The following SPTBN4 variants were observed in gnomAD, a reference collection of about 807,000 sequenced individuals.
SPTBN4 encodes the protein spectrin beta chain, non-erythrocytic 4.
In SPTBN4, 96 loss-of-function variants were observed where a neutral mutation model predicts 277.8. That is an observed-to-expected ratio of 0.35 (90% CI 0.29 to 0.41). The LOEUF (loss-of-function observed/expected upper bound fraction) is 0.41. SPTBN4 is among the 10% of genes least tolerant of loss of function. The probability of loss-of-function intolerance (pLI) is 1.00; values close to 1 mark genes in which losing one functional copy is unlikely to be tolerated. For missense variants in SPTBN4, 3,006 were observed against 3,595.7 expected (o/e 0.84, Z 4.19); for synonymous variants, 1,481 against 1,580.3 (o/e 0.94, Z 1.49).
chr19:40,519,931 A>G lies in SPTBN4; in HGVS notation c.3434A>G (p.Asp1145Gly). 1.3e-6 allele frequency: 2 copies of G among 1,557,872 alleles called. No individual in the cohort carries two copies. The highest frequency in any genetic ancestry group is 1.7e-6 in the Non-Finnish European group (2 of 1,159,308). Residue 1145 changes from aspartate to glycine, a missense_variant, in exon 16 of 36, where the codon GAC (aspartate) becomes GGC (glycine). By Grantham distance (94) the Asp-to-Gly change is moderately conservative (BLOSUM62 -1). Around this residue, in one of 5 missense-constraint regions of SPTBN4, gnomAD observed 1,759 missense variants for 2,061.5 expected, o/e 0.85. Coordinates refer to ENST00000598249, the MANE Select transcript of SPTBN4 (RefSeq NM_020971.3). This position sits in a 1 kb window ranked among gnomAD's most constrained non-coding sequence, Gnocchi z 5.7. ...LKEEVDQREE[D>G]YARIVAASEA... ...GAGGAGGTGGACCAGCGCGAGGAAG[A>G]CTATGCTCGCATCGTGGCGGCCAGC...
chr19:40,560,730 G>A lies in SPTBN4; in HGVS notation c.5915+327G>A, dbSNP rs561952281. 17 of 1,359,006 alleles carry A rather than the reference G, an allele frequency of 1.3e-5. No individual in the cohort carries two copies. The East Asian group carries it at 4.6e-4, about 37-fold the overall frequency. 84.2% of individuals were successfully genotyped at this position (1,359,006 alleles called of 1,614,324 possible). ...GTGTGGGACTGTATTTGTGAGGGTG[G>A]GTGAAGAATTCTAACAATTCCAGCA... On this transcript the variant is annotated intron_variant, in intron 27 of 35. Transcript: ENST00000598249. The surrounding 1 kb of genome is among the most constrained non-coding windows in gnomAD (Gnocchi z 5.2).
chr19:40,525,971 G>T (rs566971193), intron 17 of SPTBN4, among the ~76,000 whole-genome samples: 1 of 152,124 alleles, frequency 6.6e-6, no homozygotes, highest in South Asian at 2.1e-4. Context: ...CCCACCCTGT[G>T]GGAGGAGTGG....
intron 2 of SPTBN4, among the ~76,000 whole-genome samples, chr19:40,485,576 T>C (rs1444555461): frequency 6.6e-6 from 1 of 151,974 alleles, no homozygotes; most frequent in Admixed American, 6.6e-5. Context: ...GAAGCGTACG[T>C]GGGAGGATTG....
intron 14 of SPTBN4, 129 bp downstream of exon 14, chr19:40,513,683 A>G: frequency 9.7e-7 from 1 of 1,032,956 alleles, no homozygotes; most frequent in African/African-American, 1.6e-5. Context: ...ACCCATAGCC[A>G]GCTTTGTGAC....
chr19:40,546,400 CTGA>C (rs1463087555), intron 20 of SPTBN4, among the ~76,000 whole-genome samples: 2 of 151,288 alleles, frequency 1.3e-5, no homozygotes, highest in African/African-American at 4.8e-5. Flanking sequence ...TTTTTTTTTG[CTGA>C]TGTCATTCAT....
At chr19:40,484,846 G>C (rs1233191378) in intron 2 of SPTBN4, among the ~76,000 whole-genome samples, 1 of 152,054 alleles carries the variant, frequency 6.6e-6, no homozygotes, top group East Asian at 1.9e-4. Flanking sequence ...GCAGAAGAAT[G>C]GCGTGAACCC....
intron 35 of SPTBN4, among the ~76,000 whole-genome samples, chr19:40,573,837 C>T (rs369761495): frequency 1.3e-5 from 2 of 149,078 alleles, no homozygotes; most frequent in African/African-American, 5.0e-5. Flanking sequence ...CATGGTGGCT[C>T]ACGCCTGTAA....
intron 27 of SPTBN4, among the ~76,000 whole-genome samples, chr19:40,561,197 G>A (rs2081039113): frequency 6.6e-6 from 1 of 152,116 alleles, no homozygotes; most frequent in Non-Finnish European, 1.5e-5. Flanking sequence ...ATTTTTAGTA[G>A]AGAAAGGGTT....
intron 20 of SPTBN4, among the ~76,000 whole-genome samples, chr19:40,538,722 G>C (rs575897759): frequency 3.4e-4 from 51 of 152,204 alleles, no homozygotes; most frequent in African/African-American, 1.2e-3. Context: ...TGAGTAGCTG[G>C]GACTACAAGC....
chr19:40,554,655 G>A lies in SPTBN4; in HGVS notation c.5084+9G>A. The A allele has an allele frequency of 1.9e-6, 3 of 1,589,908 alleles. No homozygotes were observed. The highest frequency in any genetic ancestry group is 2.6e-6 in the Non-Finnish European group (3 of 1,168,498). On this transcript the variant is annotated intron_variant, in intron 24 of 35. Coordinates refer to ENST00000598249, the MANE Select transcript of SPTBN4 (RefSeq NM_020971.3). This position sits in a 1 kb window ranked among gnomAD's most constrained non-coding sequence, Gnocchi z 5.7. ...ATGGGGCACCCGGACAGGTGGGCGG[G>A]CGCGTGGCCAGTTCACAGGAATGGT...
intron 17 of SPTBN4, among the ~76,000 whole-genome samples, chr19:40,526,501 T>A (rs531376010): frequency 1.3e-5 from 2 of 151,660 alleles, no homozygotes; most frequent in South Asian, 2.1e-4. Flanking sequence ...GCGTTTTGCA[T>A]GTGAGGCTCA....
In SPTBN4 at chr19:40,549,338, G is replaced by C; in HGVS notation, c.4509G>C (p.Pro1503=). The stretch of plus-strand genomic sequence containing the variant: ...AGCGCCTGGTGCGCCTGCTCGAGCC[G>C]TTGCAGGAGCGCCGCCGCTTGCTGC... ...VGERLVRLLE[P]LQERRRLLLA... Residue 1503 remains proline, a synonymous_variant, in exon 21 of 36, where the codon CCG becomes CCC. Transcript: ENST00000598249. 3 of 1,536,982 alleles carry C rather than the reference G, an allele frequency of 2.0e-6. No individual in the cohort carries two copies. Among genetic ancestry groups the C allele is most frequent in the South Asian group, 1.2e-5 (1 of 83,780 alleles).
chr19:40,556,414 A>T (rs774066335), intron 25 of SPTBN4, 126 bp downstream of exon 25: 54 of 834,182 alleles, frequency 6.5e-5, no homozygotes, highest in Non-Finnish European at 9.7e-5. Flanking sequence ...GAGACAAATG[A>T]GTTAATATAA....
rs61584591 is a variant in SPTBN4 at position 40,473,354 on chromosome 19, GTTTTTTT to G, written c.169+578_169+584del. ...CATGAGCCACTGCACCTGGCCTGGTGTTTTTTTTTTTTTTTTTTTTGAGACGGAGTTT... is the reference window on the plus strand; with the variant it reads ...CATGAGCCACTGCACCTGGCCTGGTGTTTTTTTTTTTTTGAGACGGAGTTT... On this transcript the variant is annotated intron_variant, in intron 2 of 35. Transcript: ENST00000598249. Among the ~76,000 whole-genome samples the G allele has an allele frequency of 5.0e-5, 5 of 99,094 alleles. No individual in the cohort carries two copies. The Admixed American group carries it at 5.6e-4, about 11-fold the overall frequency. The allele number at this position is 99,094 out of a possible 152,430, so 65.0% of individuals were successfully genotyped here. A position where few individuals can be genotyped will look rare whatever the true frequency, so the allele number is the denominator to read the frequency against.
At position 40,554,836 on chromosome 19, in the gene SPTBN4, T is replaced by G; in HGVS notation, c.5084+190T>G. The G allele has an allele frequency of 1.2e-6, 1 of 802,230 alleles. No individual in the cohort carries two copies. The highest frequency in any genetic ancestry group is 1.9e-6 in the Non-Finnish European group (1 of 517,316). The allele number at this position is 802,230 out of a possible 1,614,324, so 49.7% of individuals were successfully genotyped here. A position where few individuals can be genotyped will look rare whatever the true frequency, so the allele number is the denominator to read the frequency against. On this transcript the variant is annotated intron_variant, in intron 24 of 35. Coordinates refer to ENST00000598249, the MANE Select transcript of SPTBN4 (RefSeq NM_020971.3). This position sits in a 1 kb window ranked among gnomAD's most constrained non-coding sequence, Gnocchi z 5.7. Reference sequence around the variant, plus strand: ...CACGGCTCAGGGATGGTTGAGAGGGTGGGGCCAGGAGCACCTGGATTTGAG... The same window carrying G: ...CACGGCTCAGGGATGGTTGAGAGGGGGGGGCCAGGAGCACCTGGATTTGAG...
At chr19:40,525,795 CAGGCAGAAAGG>C (rs2080583921) in intron 17 of SPTBN4, among the ~76,000 whole-genome samples, 2 of 152,178 alleles carry the variant, frequency 1.3e-5, no homozygotes, top group African/African-American at 2.4e-5. Flanking sequence ...GGAGGAAGTC[CAGGCAGAAAGG>C]TCAGGGCCCG....
At chr19:40,571,806 C>A in intron 33 of SPTBN4, 1 of 475,346 alleles carries the variant, frequency 2.1e-6, no homozygotes, top group Admixed American at 3.3e-5. Flanking sequence ...AAATCTCAGC[C>A]TGGGCAAAGG....
intron 16 of SPTBN4, 147 bp downstream of exon 16, chr19:40,520,298 A>G: frequency 1.2e-6 from 1 of 866,744 alleles, no homozygotes; most frequent in African/African-American, 1.8e-5. Context: ...AGTATCCGGA[A>G]TGGATAACTG....
chr19:40,556,127 G>C lies in SPTBN4; in HGVS notation c.5128G>C (p.Val1710Leu). The change falls in exon 25 of 36, where the codon GTG (valine) becomes CTG (leucine). Residue 1710 changes from valine (V) to leucine (L), a missense_variant. Coordinates refer to ENST00000598249, the MANE Select transcript of SPTBN4 (RefSeq NM_020971.3). ...GCAGTCTCAGGTGGACCGCCTGTAC[G>C]TGGCGCTCAAGGAGCTGGGTGAGGA... ...RRQSQVDRLYVALKELGEERR... is the reference protein window; with the variant it reads ...RRQSQVDRLYLALKELGEERR... The C allele has an allele frequency of 1.9e-6, 3 of 1,612,758 alleles. No individual in the cohort carries two copies. The highest frequency in any genetic ancestry group is 2.5e-6 in the Non-Finnish European group (3 of 1,179,996).
Sources: allele counts gnomAD v4.1 joint callset (sites outside exome capture counted in the v4.1 genomes callset), GRCh38; gene constraint gnomAD v4.1.1; regional missense constraint gnomAD v4.1.1; non-coding constraint Gnocchi (gnomAD v3.1); transcripts MANE v1.5; gene names NCBI Gene and HGNC (gene_info 2026-07-23, HGNC 2026-07-21).